Variants in TAFA2 observed in about 807,000 individuals in gnomAD.
The protein encoded by TAFA2 is TAFA chemokine like family member 2, also known as chemokine-like protein TAFA-2.
In TAFA2, 7 loss-of-function variants were observed where a neutral mutation model predicts 18.8. That is an observed-to-expected ratio of 0.37 (90% CI 0.21 to 0.70). The LOEUF (loss-of-function observed/expected upper bound fraction) is 0.70, where lower values mean the gene tolerates loss of function less well. Ranked by LOEUF, TAFA2 falls within the 30% of genes least tolerant of loss-of-function variation. TAFA2 has a pLI of 0.53. For synonymous variants in TAFA2, 60 were observed against 54.2 expected, an observed-to-expected ratio of 1.11 and a Z score of -0.47; for missense variants, 122 against 158.1, an observed-to-expected ratio of 0.77 and a Z score of 1.23.
chr12:62,047,944 C>T (rs997383568), intron 1 of TAFA2, among the ~76,000 whole-genome samples: 1 of 152,054 alleles, frequency 6.6e-6, no homozygotes, highest in Non-Finnish European at 1.5e-5. Context: ...AAAAACATAA[C>T]CACATAAATT....
intron 1 of TAFA2, among the ~76,000 whole-genome samples, chr12:62,137,748 C>T (rs957922408): frequency 6.6e-6 from 1 of 152,100 alleles, no homozygotes; most frequent in African/African-American, 2.4e-5. Context: ...TCCTCCCTGA[C>T]CCTCATACAG....
intron 1 of TAFA2, among the ~76,000 whole-genome samples, chr12:62,184,931 C>T (rs1387734043): frequency 3.3e-5 from 5 of 152,166 alleles, no homozygotes. Context: ...TACAAAGCAT[C>T]TCCAGAGCTC....
chr12:62,217,315 A>T (rs1350351775), intron 1 of TAFA2, among the ~76,000 whole-genome samples: 2 of 152,332 alleles, frequency 1.3e-5, no homozygotes, highest in East Asian at 3.9e-4. Flanking sequence ...AAGGCCCTAA[A>T]GTAAAACCAC....
chr12:62,005,768 A>G (rs1880525611), intron 1 of TAFA2, among the ~76,000 whole-genome samples: 1 of 152,144 alleles, frequency 6.6e-6, no homozygotes, highest in South Asian at 2.1e-4. Flanking sequence ...GATTTTACAG[A>G]TAAGCAAAGT....
chr12:61,996,243 A>G (rs1376872688), intron 1 of TAFA2, among the ~76,000 whole-genome samples: 1 of 152,194 alleles, frequency 6.6e-6, no homozygotes, highest in East Asian at 1.9e-4. Flanking sequence ...TAAAGAGTTT[A>G]AGGAACCAAT....
At chr12:61,850,728 G>C (rs993775894) in intron 2 of TAFA2, among the ~76,000 whole-genome samples, 3 of 151,934 alleles carry the variant, frequency 2.0e-5, no homozygotes, top group Non-Finnish European at 4.4e-5. Flanking sequence ...TACAGTGAAA[G>C]ATTATTCATT....
At chr12:61,888,940 T>A (rs939780952) in intron 1 of TAFA2, among the ~76,000 whole-genome samples, 8 of 152,190 alleles carry the variant, frequency 5.3e-5, no homozygotes, top group African/African-American at 1.9e-4. Flanking sequence ...AAAGCTTTTT[T>A]AATGCTACCC....
intron 1 of TAFA2, among the ~76,000 whole-genome samples, chr12:62,038,254 CA>C (rs1313169366): frequency 6.6e-6 from 1 of 151,832 alleles, no homozygotes; most frequent in African/African-American, 2.4e-5. Context: ...CCTCTTAACA[CA>C]AAAAAGGTAA....
At chr12:62,149,333 T>C (rs942534483) in intron 1 of TAFA2, among the ~76,000 whole-genome samples, 3 of 152,072 alleles carry the variant, frequency 2.0e-5, no homozygotes, top group Non-Finnish European at 2.9e-5. Flanking sequence ...TTTTAAAATC[T>C]GTGCTCTGCA....
chr12:61,905,598 T>C (rs1284877066), intron 1 of TAFA2, among the ~76,000 whole-genome samples: 2 of 152,124 alleles, frequency 1.3e-5, no homozygotes, highest in African/African-American at 2.4e-5. Context: ...GACCAGATAA[T>C]CTCAATATCA....
intron 1 of TAFA2, among the ~76,000 whole-genome samples, chr12:61,936,016 C>T (rs1050041673): frequency 6.6e-6 from 1 of 152,036 alleles, no homozygotes; most frequent in Non-Finnish European, 1.5e-5. Flanking sequence ...AAGCCAGCAT[C>T]ACCCTGATAC....
intron 2 of TAFA2, among the ~76,000 whole-genome samples, chr12:61,817,621 T>C (rs1021672182): frequency 6.6e-6 from 1 of 152,148 alleles, no homozygotes; most frequent in African/African-American, 2.4e-5. Flanking sequence ...TTGTGTTAAG[T>C]GGCAGCTAGG....
At chr12:62,148,783 A>AT (rs1268985968) in intron 1 of TAFA2, among the ~76,000 whole-genome samples, 4 of 152,190 alleles carry the variant, frequency 2.6e-5, no homozygotes, top group South Asian at 2.1e-4. Context: ...CCTTAAAGAG[A>AT]TTTTTCTGAG....
At position 62,010,281 on chromosome 12, in the gene TAFA2, C is replaced by T. The variant is rs1880691915; in HGVS notation, c.-1-142855G>A. Among the ~76,000 whole-genome samples the T allele has an allele frequency of 2.6e-5, 4 of 151,870 alleles. No homozygotes were observed. The South Asian group carries it at 8.3e-4, about 32-fold the overall frequency. On this transcript the variant is annotated intron_variant, in intron 1 of 4. Transcript: ENST00000416284. Reference sequence around the variant, plus strand: ...CCTGCCCCGGGCTCCCGTGGTTCTCCTGCCTTGGCCTGGGTTTGCCAGCGC... The same window carrying T: ...CCTGCCCCGGGCTCCCGTGGTTCTCTTGCCTTGGCCTGGGTTTGCCAGCGC...
intron 4 of TAFA2, among the ~76,000 whole-genome samples, chr12:61,717,060 T>C (rs535671918): frequency 2.6e-5 from 4 of 152,238 alleles, no homozygotes; most frequent in Non-Finnish European, 4.4e-5. Context: ...AAATGTATTT[T>C]TTTAATGTAG....
intron 4 of TAFA2, among the ~76,000 whole-genome samples, chr12:61,728,199 C>T (rs373918824): frequency 6.6e-5 from 10 of 152,006 alleles, no homozygotes; most frequent in African/African-American, 2.2e-4. Flanking sequence ...GTATATTGTG[C>T]AGTTTTTGGA....
intron 2 of TAFA2, among the ~76,000 whole-genome samples, chr12:61,818,991 C>T (rs1872208459): frequency 6.6e-6 from 1 of 152,270 alleles, no homozygotes; most frequent in Middle Eastern, 3.4e-3. Flanking sequence ...TTGCACATTA[C>T]CTCTAGACCC....
rs542293296 is a variant in TAFA2 at position 61,800,824 on chromosome 12, G to A, written c.107-45800C>T. Among the ~76,000 whole-genome samples, 23 of 152,152 alleles carry A rather than the reference G, an allele frequency of 1.5e-4. 1 individual carries two copies. In the South Asian group the frequency reaches 4.6e-3, roughly 30 times the overall value. ...TCAAATGTTTCAGAAAGCTAAGGAG[G>A]ACCTTTATGGAGAAAAGTCCTTTGC... On this transcript the variant is annotated intron_variant, in intron 2 of 4. Transcript: ENST00000416284.
intron 1 of TAFA2, among the ~76,000 whole-genome samples, chr12:62,016,796 TACCTGG>T (rs61695963): frequency 0.41 from 62,058 of 151,904 alleles, 13,253 homozygotes; most frequent in Non-Finnish European, 0.46. Context: ...TACCAGTAAG[TACCTGG>T]TACCCTGATG....
Sources: gnomAD v4.1 joint callset for allele counts (sites outside exome capture counted in the v4.1 genomes callset) on GRCh38, gnomAD v4.1.1 for gene constraint, MANE v1.5 for transcripts, NCBI Gene and HGNC (gene_info 2026-07-23, HGNC 2026-07-21) for gene names.